RHEB: variants seen among roughly 807,000 people sequenced by gnomAD.
RHEB encodes GTP-binding protein Rheb.
In RHEB, 2 loss-of-function variants were observed where a neutral mutation model predicts 28.8. The ratio of observed to expected loss-of-function variants is 0.07; its 90% CI spans 0.03 to 0.22. The LOEUF is 0.22. RHEB is among the 10% of genes least tolerant of loss of function. RHEB has a pLI of 1.00. For synonymous variants in RHEB, 69 were observed against 77.3 expected (o/e 0.89, Z 0.56); for missense variants, 76 against 219.9 (o/e 0.35, Z 4.14).
chr7:151,504,096 T>C (rs957846324), intron 1 of RHEB, among the ~76,000 whole-genome samples: 2 of 152,220 alleles, frequency 1.3e-5, no homozygotes, highest in Non-Finnish European at 2.9e-5. Context: ...GCAAACTGCA[T>C]TGCAAAATCA....
Position 151,484,788 on chromosome 7 carries a change from G to A in RHEB, c.141C>T (p.Ile47=). 1 of 1,611,824 alleles carries A rather than the reference G, an allele frequency of 6.2e-7. No individual in the cohort carries two copies. The highest frequency in any genetic ancestry group is 8.5e-7 in the Non-Finnish European group (1 of 1,178,274). Residue 47 remains isoleucine (I), a synonymous_variant, in exon 3 of 8, where the codon ATC becomes ATT. Coordinates refer to ENST00000262187, the MANE Select transcript of RHEB (RefSeq NM_005614.4). ...GATGATATTCTTGTCCATTTACTGT[G>A]ATCAACTTTGTAAAAGCTACAGGGA... is the stretch of plus-strand genomic sequence containing the variant. The part of the protein sequence containing the change: ...PTIENTFTKL[I]TVNGQEYHLQ...
intron 4 of RHEB, among the ~76,000 whole-genome samples, chr7:151,476,682 G>A (rs767615720): frequency 2.0e-5 from 3 of 152,154 alleles, no homozygotes; most frequent in South Asian, 2.1e-4. Flanking sequence ...GCCACCAAAC[G>A]CCCTCCACTG....
chr7:151,486,362 G>A (rs1394544828), intron 2 of RHEB, among the ~76,000 whole-genome samples: 1 of 152,142 alleles, frequency 6.6e-6, no homozygotes, highest in South Asian at 2.1e-4. Flanking sequence ...ATTATCACCA[G>A]TAGCACTGTT....
At chr7:151,494,285 G>C (rs1386025254) in intron 1 of RHEB, among the ~76,000 whole-genome samples, 1 of 152,272 alleles carries the variant, frequency 6.6e-6, no homozygotes, top group Non-Finnish European at 1.5e-5. Flanking sequence ...GGATCAGACA[G>C]TCCTCTGAAC....
At chr7:151,518,387 T>G (rs1803119690) in intron 1 of RHEB, among the ~76,000 whole-genome samples, 1 of 152,134 alleles carries the variant, frequency 6.6e-6, no homozygotes. Flanking sequence ...CGTTCCGCAA[T>G]CACGGGAGCC....
At chr7:151,492,838 ATT>A (rs538597333) in intron 1 of RHEB, among the ~76,000 whole-genome samples, 29 of 125,150 alleles carry the variant, frequency 2.3e-4, no homozygotes, top group African/African-American at 6.6e-4. Flanking sequence ...AATTCTCAAC[ATT>A]TTTTTTTTTT....
At chr7:151,512,948 C>T (rs1015269838) in intron 1 of RHEB, among the ~76,000 whole-genome samples, 1 of 152,198 alleles carries the variant, frequency 6.6e-6, no homozygotes, top group African/African-American at 2.4e-5. Context: ...TAGCTCGGCA[C>T]CCCTTGGCAT....
intron 1 of RHEB, among the ~76,000 whole-genome samples, chr7:151,510,632 G>C (rs1802964177): frequency 6.6e-6 from 1 of 152,170 alleles, no homozygotes; most frequent in Non-Finnish European, 1.5e-5. Flanking sequence ...GTACAAAGTA[G>C]AGCATTTATT....
intron 3 of RHEB, among the ~76,000 whole-genome samples, chr7:151,482,702 A>G (rs1365049144): frequency 3.9e-5 from 6 of 152,214 alleles, no homozygotes; most frequent in Admixed American, 3.9e-4. Context: ...TGCCCAGGAC[A>G]TTCTAAGTTA....
At chr7:151,475,466 A>G (rs1380949481) in intron 4 of RHEB, among the ~76,000 whole-genome samples, 2 of 152,244 alleles carry the variant, frequency 1.3e-5, no homozygotes, top group Non-Finnish European at 2.9e-5. Context: ...ATTCATAAAC[A>G]AACATGAACT....
chr7:151,511,445 A>G (rs1194469860), intron 1 of RHEB, among the ~76,000 whole-genome samples: 1 of 152,188 alleles, frequency 6.6e-6, no homozygotes, highest in Non-Finnish European at 1.5e-5. Context: ...AGTGAATTCT[A>G]TCACTATCTT....
In RHEB at chr7:151,466,357, G is replaced by A. The variant is rs1377206115; in HGVS notation, c.*762C>T. On this transcript the variant is annotated 3_prime_UTR_variant, in exon 8 of 8. Coordinates refer to ENST00000262187, the MANE Select transcript of RHEB (RefSeq NM_005614.4). ...GACATCGAGCTAAGCTATGAGCAAGGGCGAACAATGCCTCTCAGCAGCTCC... is the reference window on the plus strand; with the variant it reads ...GACATCGAGCTAAGCTATGAGCAAGAGCGAACAATGCCTCTCAGCAGCTCC... The A allele has an allele frequency of 6.6e-6, 1 of 152,330 alleles. No individual in the cohort carries two copies. Among genetic ancestry groups the A allele is most frequent in the Non-Finnish European group, 1.5e-5 (1 of 68,136 alleles). The allele number at this position is 152,330 out of a possible 1,614,324, so 9.4% of individuals were successfully genotyped here. A position where few individuals can be genotyped will look rare whatever the true frequency, so the allele number is the denominator to read the frequency against.
intron 3 of RHEB, among the ~76,000 whole-genome samples, chr7:151,483,080 T>C (rs1802405893): frequency 6.6e-6 from 1 of 152,178 alleles, no homozygotes; most frequent in Admixed American, 6.5e-5. Flanking sequence ...GCAGGGAGTG[T>C]GTAGGGTGAG....
chr7:151,500,011 A>G (rs1354417719), intron 1 of RHEB, among the ~76,000 whole-genome samples: 1 of 152,186 alleles, frequency 6.6e-6, no homozygotes, highest in Non-Finnish European at 1.5e-5. Flanking sequence ...CATGCTGCCC[A>G]TGCTGGTCTC....
At chr7:151,470,315 G>C (rs991918104) in intron 7 of RHEB, 1 of 268,592 alleles carries the variant, frequency 3.7e-6, no homozygotes, top group Non-Finnish European at 7.0e-6. Flanking sequence ...GTTTACAAAA[G>C]GTAGTATTTC....
intron 1 of RHEB, among the ~76,000 whole-genome samples, chr7:151,501,355 A>C (rs1037007227): frequency 1.3e-5 from 2 of 152,256 alleles, no homozygotes; most frequent in African/African-American, 4.8e-5. Flanking sequence ...GATGCTTTTA[A>C]CATCATTATC....
At chr7:151,484,690 C>T (rs766092482) in intron 3 of RHEB, 47 bp downstream of exon 3, 1 of 1,356,236 alleles carries the variant, frequency 7.4e-7, no homozygotes. Flanking sequence ...AGGACCAAGA[C>T]TGTCAGATAT....
chr7:151,516,544 A>G (rs1192232508), intron 1 of RHEB, among the ~76,000 whole-genome samples: 1 of 146,504 alleles, frequency 6.8e-6, no homozygotes, highest in Non-Finnish European at 1.5e-5. Context: ...AATCGGTTGA[A>G]CCTGGGCAGC....
chr7:151,509,278 G>C (rs1484917552), intron 1 of RHEB, among the ~76,000 whole-genome samples: 1 of 152,180 alleles, frequency 6.6e-6, no homozygotes, highest in African/African-American at 2.4e-5. Flanking sequence ...AACCCTACTT[G>C]TAGGCACAGC....
Sources: allele counts gnomAD v4.1 joint callset (sites outside exome capture counted in the v4.1 genomes callset), GRCh38; gene constraint gnomAD v4.1.1; transcripts MANE v1.5; gene names NCBI Gene and HGNC (gene_info 2026-07-23, HGNC 2026-07-21).